SYT16: variants seen among roughly 807,000 people sequenced by gnomAD.
The protein encoded by SYT16 is synaptotagmin-16.
SYT16 carries 42 observed loss-of-function variants against 61.4 expected under a neutral mutation model. That is an observed-to-expected ratio of 0.68 (90% CI 0.53 to 0.89). SYT16 has a LOEUF of 0.89. Ranked by LOEUF, SYT16 falls within the 40% of genes least tolerant of loss-of-function variation. The pLI, the probability that SYT16 is intolerant of heterozygous loss-of-function variation, is 0.00. For synonymous variants in SYT16, 314 were observed against 302.3 expected, an observed-to-expected ratio of 1.04 and a Z score of -0.40; for missense variants, 804 against 807.3, an observed-to-expected ratio of 1.00 and a Z score of 0.05.
chr14:62,069,113 T>C (rs1192195403), intron 3 of SYT16, among the ~76,000 whole-genome samples: 2 of 151,662 alleles, frequency 1.3e-5, no homozygotes, highest in Admixed American at 1.3e-4. Context: ...TTTTCAAAAC[T>C]AGAAAGCTTT....
At chr14:62,054,360 G>GTTGTTTTTTTTTTTT (rs1411904235) in intron 3 of SYT16, among the ~76,000 whole-genome samples, 2,337 of 117,692 alleles carry the variant, frequency 0.02, 83 homozygotes, top group Non-Finnish European at 0.028. Flanking sequence ...AGTGAAGTGA[G>GTTGTTTTTTTTTTTT]TTTTTTTTTT....
At chr14:61,826,703 C>T (rs541199748) in intron 1 of SYT16, among the ~76,000 whole-genome samples, 2 of 152,064 alleles carry the variant, frequency 1.3e-5, no homozygotes, top group East Asian at 1.9e-4. Context: ...ACAGAGATCC[C>T]TGTAGACTTG....
intron 1 of SYT16, among the ~76,000 whole-genome samples, chr14:61,961,909 A>G (rs2051131145): frequency 6.6e-6 from 1 of 152,222 alleles, no homozygotes; most frequent in South Asian, 2.1e-4. Context: ...AATGTGGTAC[A>G]TATATGCTGT....
chr14:61,963,327 G>A (rs1423358479), intron 1 of SYT16, among the ~76,000 whole-genome samples: 1 of 152,170 alleles, frequency 6.6e-6, no homozygotes, highest in East Asian at 1.9e-4. Flanking sequence ...AGTTGTGAAT[G>A]CAAAGGAAAA....
chr14:62,100,383 T>C lies in SYT16; in HGVS notation c.1625-11T>C, dbSNP rs759872819. ...TATCATCCCCACCCCACCCTTTTTT[T>C]TTTGTCTTAGATACATATGGAAAAC... On this transcript the variant is annotated splice_polypyrimidine_tract_variant and intron_variant, in intron 7 of 7. Transcript: ENST00000683842. The C allele has an allele frequency of 5.8e-6, 9 of 1,563,312 alleles. No individual in the cohort carries two copies. Among genetic ancestry groups the C allele is most frequent in the South Asian group, 2.4e-5 (2 of 82,752 alleles).
At chr14:62,043,286 C>T (rs972256755) in intron 3 of SYT16, among the ~76,000 whole-genome samples, 9 of 151,882 alleles carry the variant, frequency 5.9e-5, no homozygotes, top group African/African-American at 1.7e-4. Context: ...GCTAAAGTTT[C>T]GCTATCGACT....
Position 62,105,291 on chromosome 14 carries a change from G to A in SYT16, c.*4584G>A, listed in dbSNP as rs1008593347. 6.6e-6 allele frequency: 1 copy of A among 152,068 alleles called. No homozygotes were observed. The highest frequency in any genetic ancestry group is 2.4e-5 in the African/African-American group (1 of 41,400). 9.4% of individuals were successfully genotyped at this position (152,068 alleles called of 1,614,324 possible). On this transcript the variant is annotated 3_prime_UTR_variant, in exon 8 of 8. Coordinates refer to ENST00000683842, the MANE Select transcript of SYT16 (RefSeq NM_001367656.1). The stretch of plus-strand genomic sequence containing the variant: ...TCATAAATGGACAAGGCATCTTGTC[G>A]CCTTTATCAAAAGAGTTGGTGACAA...
At chr14:62,075,470 A>T in intron 5 of SYT16, 79 bp downstream of exon 5, 1 of 1,019,306 alleles carries the variant, frequency 9.8e-7, no homozygotes, top group South Asian at 2.7e-5. Context: ...CATCTCTCTA[A>T]AAAAAAAAAA....
intron 5 of SYT16, 64 bp from the exon 6 acceptor site, chr14:62,080,765 CACCAA>C: frequency 6.7e-7 from 1 of 1,484,456 alleles, no homozygotes; most frequent in Non-Finnish European, 9.1e-7. Flanking sequence ...CACAAAGGGG[CACCAA>C]CTGGCCAAAA....
chr14:61,918,429 G>A (rs2049202052), intron 1 of SYT16, among the ~76,000 whole-genome samples: 3 of 152,014 alleles, frequency 2.0e-5, no homozygotes, highest in Admixed American at 6.6e-5. Context: ...AAGAAAAGAG[G>A]GGAAATACAG....
intron 3 of SYT16, among the ~76,000 whole-genome samples, chr14:62,058,534 T>A (rs1311828437): frequency 6.6e-6 from 1 of 151,832 alleles, no homozygotes; most frequent in Non-Finnish European, 1.5e-5. Context: ...CAGCTAATTT[T>A]TGTATTTTTT....
chr14:61,981,185 C>A (rs576874827), intron 2 of SYT16, among the ~76,000 whole-genome samples: 3 of 152,094 alleles, frequency 2.0e-5, no homozygotes, highest in African/African-American at 7.2e-5. Context: ...TGGATGAGGC[C>A]CACCTACATT....
intron 2 of SYT16, among the ~76,000 whole-genome samples, chr14:61,983,156 T>C (rs1173071462): frequency 6.6e-6 from 1 of 152,198 alleles, no homozygotes; most frequent in Admixed American, 6.5e-5. Context: ...TAACTAGCTA[T>C]TTGAGTGATC....
intron 3 of SYT16, among the ~76,000 whole-genome samples, chr14:62,058,720 T>C (rs1055753612): frequency 2.0e-5 from 3 of 152,160 alleles, no homozygotes; most frequent in African/African-American, 7.2e-5. Context: ...ATTTTACATT[T>C]TCACCAGGAG....
chr14:61,839,221 G>A (rs1483615910), intron 1 of SYT16, among the ~76,000 whole-genome samples: 2 of 152,170 alleles, frequency 1.3e-5, no homozygotes, highest in African/African-American at 4.8e-5. Flanking sequence ...TTAGGTGATA[G>A]GGCTCTGCTC....
chr14:62,077,266 C>A (rs750522802), intron 5 of SYT16, among the ~76,000 whole-genome samples: 1 of 152,202 alleles, frequency 6.6e-6, no homozygotes, highest in South Asian at 2.1e-4. Flanking sequence ...TGGGTTTTGA[C>A]AATTTGACAC....
At chr14:62,059,017 T>C (rs2055696635) in intron 3 of SYT16, among the ~76,000 whole-genome samples, 1 of 152,212 alleles carries the variant, frequency 6.6e-6, no homozygotes, top group South Asian at 2.1e-4. Flanking sequence ...GGGAGCTAAA[T>C]GGTGAGAACA....
intron 1 of SYT16, among the ~76,000 whole-genome samples, chr14:61,815,300 C>A (rs1166460665): frequency 1.3e-5 from 2 of 152,200 alleles, no homozygotes; most frequent in Non-Finnish European, 1.5e-5. Context: ...GCAGTCCTGT[C>A]TTGTCACCAT....
chr14:61,886,072 C>A (rs183281237), intron 1 of SYT16, among the ~76,000 whole-genome samples: 1 of 151,414 alleles, frequency 6.6e-6, no homozygotes, highest in African/African-American at 2.4e-5. Flanking sequence ...TCATGCCATT[C>A]TCCTGCCTCA....
Sources: gnomAD v4.1 joint callset for allele counts (sites outside exome capture counted in the v4.1 genomes callset) on GRCh38, gnomAD v4.1.1 for gene constraint, MANE v1.5 for transcripts, NCBI Gene and HGNC (gene_info 2026-07-23, HGNC 2026-07-21) for gene names.